The following SCRN1 variants were observed in gnomAD, a reference collection of about 807,000 sequenced individuals.
SCRN1 encodes secernin-1.
In SCRN1, 19 loss-of-function variants were observed where a neutral mutation model predicts 43.3. The observed-to-expected ratio is 0.44, with a 90% CI of 0.31 to 0.64. The LOEUF is 0.64. Ranked by LOEUF, SCRN1 falls within the 30% of genes least tolerant of loss-of-function variation. SCRN1 has a pLI of 0.09. For synonymous variants in SCRN1, 183 were observed against 188.9 expected, an observed-to-expected ratio of 0.97 and a Z score of 0.26; for missense variants, 447 against 524.1, an observed-to-expected ratio of 0.85 and a Z score of 1.44.
rs553780006 is a variant in SCRN1 at position 29,945,457 on chromosome 7, T to G, written c.342-1278A>C. ...GCACAGTACTGCCCTCTGTGTGACC[T>G]TGGGCAGGTTATATATTTTGAACTT... On this transcript the variant is annotated intron_variant, in intron 3 of 7. Transcript: ENST00000242059. Among the ~76,000 whole-genome samples the G allele has an allele frequency of 2.0e-5, 3 of 152,358 alleles. 1 individual carries two copies. Among genetic ancestry groups the G allele is most frequent in the Non-Finnish European group, 4.4e-5 (3 of 68,032 alleles).
intron 1 of SCRN1, among the ~76,000 whole-genome samples, chr7:29,986,484 ATT>A (rs1789157139): frequency 6.6e-6 from 1 of 152,094 alleles, no homozygotes; most frequent in Non-Finnish European, 1.5e-5. Context: ...AACTAGCTGC[ATT>A]TCAAGTGCTC....
At chr7:29,935,613 AGTCAAGGAATCTGTATTTTTT>A (rs1332379303) in intron 6 of SCRN1, among the ~76,000 whole-genome samples, 1 of 152,230 alleles carries the variant, frequency 6.6e-6, no homozygotes, top group African/African-American at 2.4e-5. Flanking sequence ...AATAGGTTTC[AGTCAAGGAATCTGTATTTTTT>A]GAAAACTCCT....
rs1420661692 is a variant in SCRN1 at position 29,936,659 on chromosome 7, C to T, written c.802G>A (p.Asp268Asn). Residue 268 changes from aspartate (D) to asparagine (N), a missense_variant, in exon 6 of 8, where the codon GAC becomes AAC. Transcript: ENST00000242059. Reference sequence around the variant, plus strand: ...GCTGTGGTGAGGAAAAACTCAGAGTCTATGCACACTCCGCTGGCTTTGTCC... The same window carrying T: ...GCTGTGGTGAGGAAAAACTCAGAGTTTATGCACACTCCGCTGGCTTTGTCC... Reference protein sequence around the residue: ...LRDKASGVCIDSEFFLTTASG... With the variant: ...LRDKASGVCINSEFFLTTASG... 1.2e-6 allele frequency: 2 copies of T among 1,602,474 alleles called. No individual in the cohort carries two copies. The highest frequency in any genetic ancestry group is 1.3e-5 in the African/African-American group (1 of 74,790).
chr7:29,979,486 C>T (rs185837534), intron 1 of SCRN1, among the ~76,000 whole-genome samples: 21 of 152,206 alleles, frequency 1.4e-4, no homozygotes, highest in African/African-American at 4.6e-4. Flanking sequence ...TCTGTAGGTA[C>T]GCAATGACAA....
intron 3 of SCRN1, among the ~76,000 whole-genome samples, chr7:29,946,342 T>A (rs765271966): frequency 6.6e-6 from 1 of 152,188 alleles, no homozygotes; most frequent in Non-Finnish European, 1.5e-5. Flanking sequence ...GAACCCCACG[T>A]TGTACACACT....
At chr7:29,934,873 C>T (rs1464148675) in intron 6 of SCRN1, among the ~76,000 whole-genome samples, 1 of 152,220 alleles carries the variant, frequency 6.6e-6, no homozygotes, top group Admixed American at 6.5e-5. Context: ...GCAATAGTCA[C>T]CTAGTGACCA....
At chr7:29,949,819 A>C (rs1352581362) in intron 3 of SCRN1, among the ~76,000 whole-genome samples, 3 of 151,438 alleles carry the variant, frequency 2.0e-5, no homozygotes, top group African/African-American at 7.3e-5. Context: ...GACCACAAGC[A>C]TGCAACAGTG....
chr7:29,943,447 A>G (rs544597300), intron 4 of SCRN1, among the ~76,000 whole-genome samples: 30 of 152,276 alleles, frequency 2.0e-4, no homozygotes, highest in Non-Finnish European at 3.5e-4. Context: ...TTCTGGGTGG[A>G]TCATCTAGTC....
intron 1 of SCRN1, among the ~76,000 whole-genome samples, chr7:29,973,924 A>C (rs1270515746): frequency 2.0e-5 from 3 of 152,228 alleles, no homozygotes; most frequent in African/African-American, 7.2e-5. Context: ...TATCGGGTAG[A>C]ATACTATAAA....
intron 1 of SCRN1, among the ~76,000 whole-genome samples, 188 bp downstream of exon 1, chr7:29,989,454 C>T (rs1789286939): frequency 6.6e-6 from 1 of 152,126 alleles, no homozygotes; most frequent in Non-Finnish European, 1.5e-5. Context: ...GAGGCCACCT[C>T]TCCTCTGACC....
intron 4 of SCRN1, among the ~76,000 whole-genome samples, chr7:29,942,724 G>A (rs181397044): frequency 6.5e-4 from 99 of 152,258 alleles, no homozygotes; most frequent in African/African-American, 2.3e-3. Context: ...ATATGAGGTG[G>A]AGAAACTCTC....
chr7:29,948,591 T>C (rs1406161212), intron 3 of SCRN1, among the ~76,000 whole-genome samples: 2 of 152,208 alleles, frequency 1.3e-5, no homozygotes. Flanking sequence ...TCCAGAATTA[T>C]AAGATGTTCT....
intron 2 of SCRN1, among the ~76,000 whole-genome samples, chr7:29,960,271 T>A (rs1020724743): frequency 6.6e-6 from 1 of 152,076 alleles, no homozygotes; most frequent in Non-Finnish European, 1.5e-5. Flanking sequence ...ATATTTTCAA[T>A]GATAAAGAAA....
At chr7:29,972,452 C>T (rs1278454036) in intron 1 of SCRN1, among the ~76,000 whole-genome samples, 2 of 152,122 alleles carry the variant, frequency 1.3e-5, no homozygotes, top group Admixed American at 6.6e-5. Context: ...TATTGTTTGG[C>T]CAAGGCACCT....
chr7:29,949,743 T>C (rs896199064), intron 3 of SCRN1, among the ~76,000 whole-genome samples: 1 of 152,146 alleles, frequency 6.6e-6, no homozygotes, highest in African/African-American at 2.4e-5. Context: ...AGTGCAATCA[T>C]GGTTCACTGC....
At position 29,985,240 on chromosome 7, in the gene SCRN1, C is replaced by A. The variant is rs189299336; in HGVS notation, c.-2+4402G>T. 3.5e-3 allele frequency among the ~76,000 whole-genome samples: 496 copies of A among 143,028 alleles called. 55 individuals are homozygous for A. The highest frequency in any genetic ancestry group is 0.026 in the Middle Eastern group (7 of 274). 93.8% of individuals were successfully genotyped at this position (143,028 alleles called of 152,430 possible). A position where few individuals can be genotyped will look rare whatever the true frequency, so the allele number is the denominator to read the frequency against. On this transcript the variant is annotated intron_variant, in intron 1 of 7. Coordinates refer to ENST00000242059, the MANE Select transcript of SCRN1 (RefSeq NM_014766.5). ...CCAACATGGTGAAACCCCGTCTCTACTAAAAAATACAAAAATTAGCCAGGC... is the reference window on the plus strand; with the variant it reads ...CCAACATGGTGAAACCCCGTCTCTAATAAAAAATACAAAAATTAGCCAGGC...
chr7:29,946,385 T>C (rs548000974), intron 3 of SCRN1, among the ~76,000 whole-genome samples: 49 of 152,340 alleles, frequency 3.2e-4, no homozygotes, highest in Admixed American at 2.0e-3. Flanking sequence ...CACAGGTCCC[T>C]GGTAGCCCCC....
In SCRN1 at chr7:29,966,121, C is replaced by CAG. The variant is rs529436508; in HGVS notation, c.159+2786_159+2787dup. Among the ~76,000 whole-genome samples the CAG allele has an allele frequency of 2.1e-3, 268 of 127,084 alleles. 6 individuals are homozygous for CAG. The East Asian group carries it at 0.041, about 19-fold the overall frequency. The allele number at this position is 127,084 out of a possible 152,430, so 83.4% of individuals were successfully genotyped here. On this transcript the variant is annotated intron_variant, in intron 2 of 7. Coordinates refer to ENST00000242059, the MANE Select transcript of SCRN1 (RefSeq NM_014766.5). ...GAGAGAGAGAGGAACCAGAGACACA[C>CAG]AGAGAGAGAGAGAGACAGAGAGAGA...
rs1342690082 is a variant in SCRN1, at chr7:29,920,985, T to C, written c.*2972A>G. 6.6e-6 allele frequency: 1 copy of C among 152,610 alleles called. No homozygotes were observed. Among genetic ancestry groups the C allele is most frequent in the African/African-American group, 2.4e-5 (1 of 41,446 alleles). The allele number at this position is 152,610 out of a possible 1,614,324, so 9.5% of individuals were successfully genotyped here. A position where few individuals can be genotyped will look rare whatever the true frequency, so the allele number is the denominator to read the frequency against. On this transcript the variant is annotated 3_prime_UTR_variant, in exon 8 of 8. Transcript: ENST00000242059. ...TAAAATTTCAAAGCACCTCCAAGAA[T>C]GAAAGGGTACTATTTCTGCTTTGCT...
Sources: gnomAD v4.1 joint callset for allele counts (sites outside exome capture counted in the v4.1 genomes callset) on GRCh38, gnomAD v4.1.1 for gene constraint, MANE v1.5 for transcripts, NCBI Gene and HGNC (gene_info 2026-07-23, HGNC 2026-07-21) for gene names.